The following DSTN variants were observed in gnomAD, a reference collection of about 807,000 sequenced individuals.
The protein encoded by DSTN is destrin, actin depolymerizing factor.
In DSTN, 10 loss-of-function variants were observed where a neutral mutation model predicts 16.8. The ratio of observed to expected loss-of-function variants is 0.60; its 90% CI spans 0.37 to 1.01. The LOEUF (loss-of-function observed/expected upper bound fraction) is 1.01, where lower values mean the gene tolerates loss of function less well. DSTN is among the 50% of genes least tolerant of loss of function. DSTN has a pLI of 0.01. For synonymous variants in DSTN, 57 were observed against 58.9 expected (o/e 0.97, Z 0.14); for missense variants, 141 against 196.7 (o/e 0.72, Z 1.69).
intron 1 of DSTN, among the ~76,000 whole-genome samples, chr20:17,594,483 A>G (rs2035504012): frequency 6.6e-6 from 1 of 152,184 alleles, no homozygotes; most frequent in African/African-American, 2.4e-5. Context: ...CACATCTAAA[A>G]AGCTGTATTT....
chr20:17,584,652 CAAAA>C (rs551581639), intron 1 of DSTN, among the ~76,000 whole-genome samples: 1 of 55,728 alleles, frequency 1.8e-5, no homozygotes. Context: ...AACTCCGTCT[CAAAA>C]AAAAAAAAAA....
intron 1 of DSTN, chr20:17,576,541 A>T (rs2035280424): frequency 6.5e-6 from 1 of 152,862 alleles, no homozygotes; most frequent in East Asian, 1.9e-4. Flanking sequence ...AATTGATTTC[A>T]GTAAAAAATG....
intron 1 of DSTN, among the ~76,000 whole-genome samples, chr20:17,574,871 T>TTTTTTTTTTTTTTTTTTTTG (rs1568729085): frequency 1.1e-4 from 1 of 8,952 alleles, no homozygotes; most frequent in African/African-American, 4.6e-4. Context: ...TTTTCTTTTG[T>TTTTTTTTTTTTTTTTTTTTG]TTTTTTTTTT....
At chr20:17,577,284 T>G (rs1432602021) in intron 1 of DSTN, among the ~76,000 whole-genome samples, 1 of 152,224 alleles carries the variant, frequency 6.6e-6, no homozygotes, top group African/African-American at 2.4e-5. Context: ...CAGGTAAGGC[T>G]TCTCCAACTT....
chr20:17,575,941 C>T (rs574809248), intron 1 of DSTN, among the ~76,000 whole-genome samples: 1 of 152,344 alleles, frequency 6.6e-6, no homozygotes, highest in South Asian at 2.1e-4. Context: ...GTAACCACAA[C>T]TTTTCTTCTG....
At chr20:17,571,676 G>T (rs2035208895) in intron 1 of DSTN, among the ~76,000 whole-genome samples, 1 of 152,198 alleles carries the variant, frequency 6.6e-6, no homozygotes, top group Non-Finnish European at 1.5e-5. Context: ...ACTAGGGTCT[G>T]CTCTAGAGAC....
intron 1 of DSTN, among the ~76,000 whole-genome samples, chr20:17,590,587 A>G (rs1431114681): frequency 6.6e-6 from 1 of 152,202 alleles, no homozygotes; most frequent in African/African-American, 2.4e-5. Context: ...TCTTGTTATG[A>G]TAGCAGTCTA....
In DSTN at chr20:17,599,112, A is replaced by G. The variant is rs548465519; in HGVS notation, c.4-1626A>G. On this transcript the variant is annotated intron_variant, in intron 1 of 3. Transcript: ENST00000246069. ...AAGGAAAATGTGGGATATCCAAACA[A>G]TGGAACATTATTCAACAGTAAAAAG... The G allele has an allele frequency of 4.6e-5, 7 of 152,352 alleles. No homozygotes were observed. The East Asian group carries it at 9.6e-4, about 21-fold the overall frequency. The allele number at this position is 152,352 out of a possible 1,614,324, so 9.4% of individuals were successfully genotyped here.
chr20:17,585,466 T>G (rs1020478318), intron 1 of DSTN, among the ~76,000 whole-genome samples: 4 of 152,138 alleles, frequency 2.6e-5, no homozygotes, highest in African/African-American at 9.7e-5. Flanking sequence ...AAGGAGAAAT[T>G]TTTCACATTT....
intron 1 of DSTN, among the ~76,000 whole-genome samples, chr20:17,588,821 G>C (rs1185680651): frequency 6.6e-6 from 1 of 152,136 alleles, no homozygotes; most frequent in Non-Finnish European, 1.5e-5. Flanking sequence ...AGAAAGTTCT[G>C]TTGGACAGCA....
At chr20:17,570,763 A>G (rs138075787) in intron 1 of DSTN, among the ~76,000 whole-genome samples, 271 of 152,332 alleles carry the variant, frequency 1.8e-3, no homozygotes, top group Non-Finnish European at 3.1e-3. Flanking sequence ...AACGAGCAGG[A>G]TCCTGGCATG....
At chr20:17,590,139 A>G (rs1600706469) in intron 1 of DSTN, among the ~76,000 whole-genome samples, 1 of 152,222 alleles carries the variant, frequency 6.6e-6, no homozygotes, top group African/African-American at 2.4e-5. Context: ...GAAAAATTTA[A>G]TGCTCACGTT....
chr20:17,573,408 C>G (rs1030785446), intron 1 of DSTN, among the ~76,000 whole-genome samples: 1 of 151,926 alleles, frequency 6.6e-6, no homozygotes, highest in African/African-American at 2.4e-5. Context: ...TATGATTGTG[C>G]AAGTTTATCC....
intron 1 of DSTN, among the ~76,000 whole-genome samples, chr20:17,597,235 T>C (rs1374504417): frequency 2.6e-5 from 4 of 152,228 alleles, no homozygotes; most frequent in African/African-American, 7.2e-5. Flanking sequence ...TAATATTGTG[T>C]ACTTATGAGT....
At chr20:17,587,414 C>T (rs945095951) in intron 1 of DSTN, among the ~76,000 whole-genome samples, 3 of 152,100 alleles carry the variant, frequency 2.0e-5, no homozygotes, top group Middle Eastern at 3.2e-3. Flanking sequence ...AGGCATGTGC[C>T]ACCACACCTG....
At position 17,601,053 on chromosome 20, in the gene DSTN, T is replaced by C; in HGVS notation, c.311+8T>C. On this transcript the variant is annotated splice_region_variant and intron_variant, in intron 2 of 3. Transcript: ENST00000246069. Reference sequence around the variant, plus strand: ...GTTGATGTTTTTTTTGTGGTAAGCATGTTAGAAATATTGAGCCTCTGTAAA... The same window carrying C: ...GTTGATGTTTTTTTTGTGGTAAGCACGTTAGAAATATTGAGCCTCTGTAAA... 1 of 1,584,428 alleles carries C rather than the reference T, an allele frequency of 6.3e-7. No homozygotes were observed. Among genetic ancestry groups the C allele is most frequent in the Non-Finnish European group, 8.6e-7 (1 of 1,165,110 alleles).
At chr20:17,604,906 AG>A (rs575341508) in intron 3 of DSTN, among the ~76,000 whole-genome samples, 67 of 152,334 alleles carry the variant, frequency 4.4e-4, no homozygotes, top group African/African-American at 1.6e-3. Flanking sequence ...AACTAGTTTG[AG>A]GTGCTACCAG....
intron 1 of DSTN, among the ~76,000 whole-genome samples, chr20:17,578,893 G>T (rs1308553035): frequency 6.7e-6 from 1 of 148,712 alleles, no homozygotes; most frequent in East Asian, 2.0e-4. Context: ...CTTGGGAGGT[G>T]CAGGTGGCAG....
intron 1 of DSTN, among the ~76,000 whole-genome samples, chr20:17,587,102 C>A (rs1248737809): frequency 6.6e-6 from 1 of 151,450 alleles, no homozygotes; most frequent in Non-Finnish European, 1.5e-5. Context: ...AGTATTGTTA[C>A]ATACAATGAA....
Sources: allele counts gnomAD v4.1 joint callset (sites outside exome capture counted in the v4.1 genomes callset), GRCh38; gene constraint gnomAD v4.1.1; transcripts MANE v1.5; gene names NCBI Gene and HGNC (gene_info 2026-07-23, HGNC 2026-07-21).